The following ANGPTL6 variants were observed in gnomAD, a reference collection of about 807,000 sequenced individuals.
ANGPTL6 encodes the protein angiopoietin-related protein 6.
Under a neutral mutation model 47.4 loss-of-function variants are expected in ANGPTL6, and 45 were observed. The observed-to-expected ratio is 0.95, with a 90% confidence interval of 0.75 to 1.22. The LOEUF (loss-of-function observed/expected upper bound fraction) is 1.22, where lower values mean the gene tolerates loss of function less well. Among genes scored for constraint, ANGPTL6 ranks in the 50% most tolerant of loss-of-function variants. The pLI, the probability that ANGPTL6 is intolerant of heterozygous loss-of-function variation, is 0.00. For missense variants in ANGPTL6, 698 were observed against 669.4 expected (o/e 1.04, Z -0.47); for synonymous variants, 290 against 295.9 (o/e 0.98, Z 0.20).
chr19:10,099,835 CTCTCTCTCTT>C (rs1199808306), intron 1 of ANGPTL6, among the ~76,000 whole-genome samples: 17 of 138,758 alleles, frequency 1.2e-4, no homozygotes, highest in East Asian at 5.6e-4. Flanking sequence ...CTCCCTCTCT[CTCTCTCTCTT>C]TCTCTCTTTC....
In ANGPTL6 at chr19:10,093,862, G is replaced by A; in HGVS notation, c.782C>T (p.Ala261Val). The A allele has an allele frequency of 6.2e-7, 1 of 1,609,472 alleles. No homozygotes were observed. The highest frequency in any genetic ancestry group is 8.5e-7 in the Non-Finnish European group (1 of 1,180,004). ...TTCATGGCCTGCCTGGCGGGCCTCT[G>A]CACAATCCTGCCACGGGCCTGTGGG... The part of the protein sequence containing the change: ...TKPVGPWQDC[A>V]EARQAGHEQS... The change falls in exon 4 of 6, where the codon GCA becomes GTA. Residue 261 changes from alanine to valine, a missense_variant. Ala to Val is a moderately conservative substitution (Grantham distance 64). Coordinates refer to ENST00000253109, the MANE Select transcript of ANGPTL6 (RefSeq NM_031917.3).
At chr19:10,093,996 T>A (rs568161430) in intron 3 of ANGPTL6, 116 bp from the exon 4 acceptor site, 2 of 1,114,082 alleles carry the variant, frequency 1.8e-6, no homozygotes, top group South Asian at 2.9e-5. Flanking sequence ...CCTCTCCCAC[T>A]TTTCTACCAA....
chr19:10,100,535 C>G (rs117820494), intron 1 of ANGPTL6, among the ~76,000 whole-genome samples: 325 of 152,316 alleles, frequency 2.1e-3, no homozygotes, highest in Admixed American at 3.5e-3. Context: ...CACACTGGCC[C>G]TAAACCTATG....
rs2088710025 is a variant in ANGPTL6, at chr19:10,102,602, C to T, written c.-45G>A. 1.0e-6 allele frequency: 1 copy of T among 984,526 alleles called. No individual in the cohort carries two copies. The highest frequency in any genetic ancestry group is 1.2e-6 in the Non-Finnish European group (1 of 829,432). The allele number at this position is 984,526 out of a possible 1,614,324, so 61.0% of individuals were successfully genotyped here. A position where few individuals can be genotyped will look rare whatever the true frequency, so the allele number is the denominator to read the frequency against. On this transcript the variant is annotated 5_prime_UTR_variant, in exon 1 of 6. Transcript: ENST00000253109. Reference sequence around the variant, plus strand: ...CCAAGACCCTGAATCCAGCGAAGCTCACAGAACACACAAGAAGTCCAAGGA... The same window carrying T: ...CCAAGACCCTGAATCCAGCGAAGCTTACAGAACACACAAGAAGTCCAAGGA...
chr19:10,100,076 C>T (rs900062769), intron 1 of ANGPTL6, among the ~76,000 whole-genome samples: 2 of 150,402 alleles, frequency 1.3e-5, no homozygotes, highest in Admixed American at 6.6e-5. Context: ...GGTGAAATCC[C>T]GTCTCTACTA....
chr19:10,103,304 C>A (rs542708228), upstream of ANGPTL6, among the ~76,000 whole-genome samples: 48 of 151,846 alleles, frequency 3.2e-4, 1 homozygote, highest in South Asian at 8.1e-3. Flanking sequence ...TAACACCCAG[C>A]GAAAGTCTGG....
intron 1 of ANGPTL6, among the ~76,000 whole-genome samples, chr19:10,098,267 G>A (rs1236685441): frequency 2.0e-5 from 3 of 151,876 alleles, no homozygotes; most frequent in Non-Finnish European, 2.9e-5. Flanking sequence ...CGGGAGGATC[G>A]ATTGAGGCCA....
At chr19:10,097,998 T>C in intron 1 of ANGPTL6, among the ~76,000 whole-genome samples, 1 of 107,362 alleles carries the variant, frequency 9.3e-6, no homozygotes, top group African/African-American at 3.5e-5. Flanking sequence ...CCAGACCCTG[T>C]CTCTACCAAA....
At chr19:10,105,003 A>C (rs1458385435), upstream of ANGPTL6, among the ~76,000 whole-genome samples, 1 of 152,234 alleles carries the variant, frequency 6.6e-6, no homozygotes, top group African/African-American at 2.4e-5. Flanking sequence ...TCCCAGGGGT[A>C]CAAAGAAACT....
intron 1 of ANGPTL6, among the ~76,000 whole-genome samples, chr19:10,096,863 G>A (rs373880324): frequency 6.6e-6 from 1 of 152,096 alleles, no homozygotes; most frequent in African/African-American, 2.4e-5. Flanking sequence ...GGAGGCCGAG[G>A]CGAGAGGATC....
At chr19:10,102,461 A>T (rs1298658284) in intron 1 of ANGPTL6, 107 bp downstream of exon 1, 3 of 707,666 alleles carry the variant, frequency 4.2e-6, no homozygotes, top group Non-Finnish European at 5.2e-6. Context: ...TGCCTTTTAC[A>T]CTCTCAGCCT....
chr19:10,092,614 A>G lies in ANGPTL6; in HGVS notation c.1388T>C (p.Met463Thr). 2 of 1,610,590 alleles carry G rather than the reference A, an allele frequency of 1.2e-6. No homozygotes were observed. Among genetic ancestry groups the G allele is most frequent in the East Asian group, 2.2e-5 (1 of 44,746 alleles). The change falls in exon 6 of 6, where the codon ATG becomes ACG. Residue 463 changes from methionine to threonine, a missense_variant. By Grantham distance (81) the Met-to-Thr change is moderately conservative. Coordinates refer to ENST00000253109, the MANE Select transcript of ANGPTL6 (RefSeq NM_031917.3). ...TCACAGCTTCAGGGGCCGAATGAGC[A>G]TGGCGGCCTTCCTGAGAGAATATGC... ...GGAYSLRKAA[M>T]LIRPLKL
chr19:10,103,632 A>G, upstream of ANGPTL6, among the ~76,000 whole-genome samples: 1 of 148,788 alleles, frequency 6.7e-6, no homozygotes, highest in South Asian at 2.1e-4. Flanking sequence ...AATAATAAAT[A>G]AATAATAATA....
At chr19:10,093,299 C>A in intron 5 of ANGPTL6, 50 bp downstream of exon 5, 1 of 1,578,202 alleles carries the variant, frequency 6.3e-7, no homozygotes, top group Non-Finnish European at 8.6e-7. Flanking sequence ...CTCACCAGAA[C>A]AGGAGTCCCG....
rs1182335201 is a variant in ANGPTL6 at position 10,096,516 on chromosome 19, G to C, written c.48C>G (p.Gly16=). 1 of 1,513,726 alleles carries C rather than the reference G, an allele frequency of 6.6e-7. No individual in the cohort carries two copies. The highest frequency in any genetic ancestry group is 1.4e-5 in the African/African-American group (1 of 70,264). The allele number at this position is 1,513,726 out of a possible 1,614,324, so 93.8% of individuals were successfully genotyped here. ...LRALQLLLLL[G]ASWARAGAPR... ...GGGCGCCCGCCCGCGCCCACGACGC[G>C]CCCAGCAGGAGCAGCAGCTGTAGCG... Residue 16 remains glycine (G), a synonymous_variant, in exon 2 of 6, where the codon GGC becomes GGG. Coordinates refer to ENST00000253109, the MANE Select transcript of ANGPTL6 (RefSeq NM_031917.3).
chr19:10,099,437 C>T (rs1317996736), intron 1 of ANGPTL6, among the ~76,000 whole-genome samples: 11 of 151,950 alleles, frequency 7.2e-5, no homozygotes, highest in African/African-American at 1.4e-4. Flanking sequence ...AGTAGCCAGG[C>T]GTGGTGGCGG....
intron 1 of ANGPTL6, among the ~76,000 whole-genome samples, chr19:10,099,065 C>T (rs2088614275): frequency 6.6e-6 from 1 of 152,100 alleles, no homozygotes; most frequent in African/African-American, 2.4e-5. Context: ...GCCCCCAGAC[C>T]CTCCCTGAAT....
intron 1 of ANGPTL6, among the ~76,000 whole-genome samples, chr19:10,097,819 G>GC (rs894431065): frequency 6.6e-6 from 1 of 151,738 alleles, no homozygotes; most frequent in African/African-American, 2.4e-5. Flanking sequence ...TGCCACTGCA[G>GC]CCCAGCCTGG....
chr19:10,097,570 A>C (rs1162109499), intron 1 of ANGPTL6, among the ~76,000 whole-genome samples: 1 of 152,126 alleles, frequency 6.6e-6, no homozygotes, highest in Non-Finnish European at 1.5e-5. Flanking sequence ...AAATAACAGT[A>C]GGGCCAGGCG....
Sources: allele counts gnomAD v4.1 joint callset (sites outside exome capture counted in the v4.1 genomes callset), GRCh38; gene constraint gnomAD v4.1.1; transcripts MANE v1.5; gene names NCBI Gene and HGNC (gene_info 2026-07-23, HGNC 2026-07-21).